The following MDK variants were observed in gnomAD, a reference collection of about 807,000 sequenced individuals.
MDK encodes midkine, also known as amphiregulin-associated protein.
MDK carries 17 observed loss-of-function variants against 18.9 expected under a neutral mutation model. That is an observed-to-expected ratio of 0.90 (90% CI 0.62 to 1.35). The LOEUF (loss-of-function observed/expected upper bound fraction) is 1.35, where lower values mean the gene tolerates loss of function less well. MDK is among the 40% of genes most tolerant of loss of function. The probability of loss-of-function intolerance (pLI) is 0.00; values close to 1 mark genes in which losing one functional copy is unlikely to be tolerated. For missense variants in MDK, 180 were observed against 186.3 expected, an observed-to-expected ratio of 0.97 and a Z score of 0.20; for synonymous variants, 86 against 74.3, an observed-to-expected ratio of 1.16 and a Z score of -0.81.
chr11:46,382,578 T>A lies in MDK; in HGVS notation c.245-9T>A. ...CGCGCAGCGCTGACCTGGGCCGCTC[T>A]CTCGCCAGCCGACTGCAAGTACAAG... On this transcript the variant is annotated splice_polypyrimidine_tract_variant and intron_variant, in intron 3 of 4. Transcript: ENST00000395566. 1 of 1,604,686 alleles carries A rather than the reference T, an allele frequency of 6.2e-7. No homozygotes were observed. Among genetic ancestry groups the A allele is most frequent in the Non-Finnish European group, 8.5e-7 (1 of 1,175,298 alleles).
chr11:46,381,527 G>A (rs1170229996), upstream of MDK: 3 of 150,330 alleles, frequency 2.0e-5, no homozygotes, highest in Non-Finnish European at 3.0e-5. Flanking sequence ...CACGGACGCC[G>A]GAGTAGAAGC....
Position 46,382,133 on chromosome 11 carries a change from G to A in MDK, c.76G>A (p.Asp26Asn), listed in dbSNP as rs1220189646. 1 of 1,611,222 alleles carries A rather than the reference G, an allele frequency of 6.2e-7. No individual in the cohort carries two copies. The highest frequency in any genetic ancestry group is 2.2e-5 in the East Asian group (1 of 44,836). The change falls in exon 2 of 5, where the codon GAT becomes AAT. Residue 26 changes from aspartate (D) to asparagine (N), a missense_variant and splice_region_variant. Transcript: ENST00000395566. ...CACCTCCGCGGTCGCCAAAAAGAAA[G>A]GTGATGGGGGATGATCGAAGGAGGG... ...ALTSAVAKKKDKVKKGGPGSE... is the reference protein window; with the variant it reads ...ALTSAVAKKKNKVKKGGPGSE...
intron 3 of MDK, 39 bp from the exon 4 acceptor site, chr11:46,382,548 C>T: frequency 1.3e-6 from 2 of 1,572,940 alleles, no homozygotes; most frequent in East Asian, 2.3e-5. Flanking sequence ...GGCGGGGCCG[C>T]GGGCCGCGCA....
In MDK at chr11:46,383,639, A is replaced by G. The variant is rs1225656729; in HGVS notation, c.*145A>G. ...AATCATGCCCTGCCTTGTCCCTCTC[A>G]CTCCCCAGCCCCACCCCTAAGTGCC... On this transcript the variant is annotated 3_prime_UTR_variant, in exon 5 of 5. Transcript: ENST00000395566. 2.5e-6 allele frequency: 2 copies of G among 790,812 alleles called. No individual in the cohort carries two copies. The highest frequency in any genetic ancestry group is 2.8e-5 in the South Asian group (2 of 71,720). 49.0% of individuals were successfully genotyped at this position (790,812 alleles called of 1,614,324 possible).
In MDK at chr11:46,382,621, G is replaced by C. The variant is rs764089666; in HGVS notation, c.279G>C (p.Ala93=). 6.2e-7 allele frequency: 1 copy of C among 1,612,528 alleles called. No individual in the cohort carries two copies. Among genetic ancestry groups the C allele is most frequent in the South Asian group, 1.1e-5 (1 of 90,974 alleles). ...DCKYKFENWG[A]CDGGTGTKVR... Reference sequence around the variant, plus strand: ...AGTACAAGTTTGAGAACTGGGGTGCGTGTGATGGGGGCACAGGCACCAAAG... The same window carrying C: ...AGTACAAGTTTGAGAACTGGGGTGCCTGTGATGGGGGCACAGGCACCAAAG... The change falls in exon 4 of 5, where the codon GCG becomes GCC. Residue 93 remains alanine, a synonymous_variant. Transcript: ENST00000395566.
rs1246132157 is a variant in MDK at position 46,383,451 on chromosome 11, TTC to T, written c.407-16_407-15del. 1 of 1,578,224 alleles carries T rather than the reference TTC, an allele frequency of 6.3e-7. No homozygotes were observed. Among genetic ancestry groups the T allele is most frequent in the African/African-American group, 1.4e-5 (1 of 73,634 alleles). ...CTAACTGCTGATATGGTATTAATAT[TTC>T]TTTCTTGTTTTACAGCCAAGAAAGG... On this transcript the variant is annotated splice_polypyrimidine_tract_variant and intron_variant, in intron 4 of 4. Transcript: ENST00000395566.
Position 46,382,364 on chromosome 11 carries a change from C to G in MDK, c.147C>G (p.Ser49Arg). The change falls in exon 3 of 5, where the codon AGC becomes AGG. Residue 49 changes from serine (S) to arginine (R), a missense_variant. Ser to Arg is a moderately radical substitution (Grantham distance 110). Coordinates refer to ENST00000395566, the MANE Select transcript of MDK (RefSeq NM_002391.6). ...CCTGGGGGCCCTGCACCCCCAGCAG[C>G]AAGGATTGCGGCGTGGGTTTCCGCG... ...EWAWGPCTPS[S>R]KDCGVGFREG... The G allele has an allele frequency of 6.3e-7, 1 of 1,592,572 alleles. No homozygotes were observed. Among genetic ancestry groups the G allele is most frequent in the South Asian group, 1.1e-5 (1 of 88,182 alleles).
chr11:46,382,022 C>T, intron 1 of MDK, 35 bp from the exon 2 acceptor site: 3 of 1,569,354 alleles, frequency 1.9e-6, no homozygotes, highest in Non-Finnish European at 2.6e-6. Flanking sequence ...GGGAAGGGGA[C>T]GGGCCAGGGA....
At chr11:46,382,780 G>T in intron 4 of MDK, 32 bp downstream of exon 4, 1 of 1,539,780 alleles carries the variant, frequency 6.5e-7, no homozygotes, top group Non-Finnish European at 8.8e-7. Context: ...TGGGGCTGTC[G>T]CGGGGGGCTG....
Position 46,382,138 on chromosome 11 carries a change from T to TG in MDK, c.76+10dup. On this transcript the variant is annotated splice_donor_region_variant and intron_variant, in intron 2 of 4. Coordinates refer to ENST00000395566, the MANE Select transcript of MDK (RefSeq NM_002391.6). ...CCGCGGTCGCCAAAAAGAAAGGTGA[T>TG]GGGGGATGATCGAAGGAGGGCTGGG... 1 of 1,610,686 alleles carries TG rather than the reference T, an allele frequency of 6.2e-7. No individual in the cohort carries two copies. Among genetic ancestry groups the TG allele is most frequent in the Non-Finnish European group, 8.5e-7 (1 of 1,179,030 alleles).
At position 46,382,421 on chromosome 11, in the gene MDK, C is replaced by A; in HGVS notation, c.204C>A (p.Ile68=). Residue 68 remains isoleucine (I), a synonymous_variant, in exon 3 of 5, where the codon ATC becomes ATA. Transcript: ENST00000395566. ...CCTGCGGGGCCCAGACCCAGCGCAT[C>A]CGGTGCAGGGTGCCCTGCAACTGGA... The part of the protein sequence containing the change: ...EGTCGAQTQR[I]RCRVPCNWKK... 1 of 1,537,014 alleles carries A rather than the reference C, an allele frequency of 6.5e-7. No homozygotes were observed. The highest frequency in any genetic ancestry group is 1.3e-5 in the South Asian group (1 of 79,786).
chr11:46,382,855 C>A, intron 4 of MDK, 107 bp downstream of exon 4: 2 of 1,320,792 alleles, frequency 1.5e-6, no homozygotes, highest in Non-Finnish European at 2.1e-6. Flanking sequence ...GAGTCCTGGC[C>A]AGTGGCTTCC....
chr11:46,382,250 C>T (rs766378741), intron 2 of MDK, 44 bp from the exon 3 acceptor site: 3 of 1,603,404 alleles, frequency 1.9e-6, no homozygotes, highest in Non-Finnish European at 2.6e-6. Context: ...CCGAGGGAGT[C>T]TCCCCGTGCC....
chr11:46,382,795 C>G (rs750822281), intron 4 of MDK, 47 bp downstream of exon 4: 4 of 1,398,076 alleles, frequency 2.9e-6, no homozygotes, highest in South Asian at 2.6e-5. Flanking sequence ...GGGCTGCCCC[C>G]CCCCCCCCCC....
chr11:46,381,350 G>C (rs1392733945), upstream of MDK: 2 of 152,966 alleles, frequency 1.3e-5, no homozygotes, highest in African/African-American at 2.4e-5. Flanking sequence ...GACGACCTGG[G>C]ATGGGGGCAG....
chr11:46,382,584 C>T lies in MDK; in HGVS notation c.245-3C>T. Reference sequence around the variant, plus strand: ...GCGCTGACCTGGGCCGCTCTCTCGCCAGCCGACTGCAAGTACAAGTTTGAG... The same window carrying T: ...GCGCTGACCTGGGCCGCTCTCTCGCTAGCCGACTGCAAGTACAAGTTTGAG... On this transcript the variant is annotated splice_polypyrimidine_tract_variant and splice_region_variant and intron_variant, in intron 3 of 4. Coordinates refer to ENST00000395566, the MANE Select transcript of MDK (RefSeq NM_002391.6). 6.2e-7 allele frequency: 1 copy of T among 1,607,328 alleles called. No individual in the cohort carries two copies. Among genetic ancestry groups the T allele is most frequent in the Non-Finnish European group, 8.5e-7 (1 of 1,176,800 alleles).
chr11:46,383,413 G>T, intron 4 of MDK, 56 bp from the exon 5 acceptor site: 2 of 1,424,138 alleles, frequency 1.4e-6, no homozygotes, highest in South Asian at 2.7e-5. Context: ...CCGGCGGTCT[G>T]CAATGGGTCA....
At position 46,382,767 on chromosome 11, in the gene MDK, G is replaced by A; in HGVS notation, c.406+19G>A. The stretch of plus-strand genomic sequence containing the variant: ...GCCAAAGGTCAGCGAAAGGAGAAGG[G>A]GGTGGGGCTGTCGCGGGGGGCTGCC... On this transcript the variant is annotated intron_variant, in intron 4 of 4. Transcript: ENST00000395566. 1 of 1,589,354 alleles carries A rather than the reference G, an allele frequency of 6.3e-7. No individual in the cohort carries two copies. The highest frequency in any genetic ancestry group is 1.3e-5 in the African/African-American group (1 of 74,128).
In MDK at chr11:46,382,760, G is replaced by A; in HGVS notation, c.406+12G>A. 6.3e-7 allele frequency: 1 copy of A among 1,591,584 alleles called. No individual in the cohort carries two copies. Among genetic ancestry groups the A allele is most frequent in the Non-Finnish European group, 8.6e-7 (1 of 1,168,984 alleles). ...AGCAAAGGCCAAAGGTCAGCGAAAGGAGAAGGGGGTGGGGCTGTCGCGGGG... is the reference window on the plus strand; with the variant it reads ...AGCAAAGGCCAAAGGTCAGCGAAAGAAGAAGGGGGTGGGGCTGTCGCGGGG... On this transcript the variant is annotated intron_variant, in intron 4 of 4. Coordinates refer to ENST00000395566, the MANE Select transcript of MDK (RefSeq NM_002391.6).
Sources: gnomAD v4.1 joint callset for allele counts on GRCh38, gnomAD v4.1.1 for gene constraint, MANE v1.5 for transcripts, NCBI Gene and HGNC (gene_info 2026-07-23, HGNC 2026-07-21) for gene names.